Variants in IRS2 observed in about 807,000 individuals in gnomAD.
IRS2 encodes the protein insulin receptor substrate 2.
IRS2 carries 28 observed loss-of-function variants against 70.9 expected under a neutral mutation model. The ratio of observed to expected loss-of-function variants is 0.39; its 90% CI spans 0.29 to 0.54. The LOEUF (loss-of-function observed/expected upper bound fraction) is 0.54, where lower values mean the gene tolerates loss of function less well. Among genes scored for constraint, IRS2 ranks in the 20% least tolerant of loss-of-function variants. The pLI is 0.59. For missense variants in IRS2, 2,081 were observed against 2,024.1 expected, an observed-to-expected ratio of 1.03 and a Z score of -0.54; for synonymous variants, 1,217 against 981.9, an observed-to-expected ratio of 1.24 and a Z score of -4.48.
chr13:109,767,831 C>A (rs1027587478), intron 1 of IRS2, among the ~76,000 whole-genome samples: 3 of 147,948 alleles, frequency 2.0e-5, no homozygotes, highest in African/African-American at 7.5e-5. Context: ...TTCACGGGTT[C>A]CAGCGATTCT....
At chr13:109,760,843 A>C (rs1470227608) in intron 1 of IRS2, among the ~76,000 whole-genome samples, 1 of 152,250 alleles carries the variant, frequency 6.6e-6, no homozygotes, top group Admixed American at 6.5e-5. Context: ...CTTCCTTGTA[A>C]TATATGGAAC....
rs779168615 is a variant in IRS2 at position 109,784,053 on chromosome 13, G to A, written c.2001C>T (p.Ser667=). ...TPGAALAGSG[S]GSCRSDDYMP... is the part of the protein sequence containing the mutation. ...TGTAGTCGTCGCTCCTGCAGCTGCC[G>A]CTCCCACTGCCCGCGAGGGCCGCGC... The change falls in exon 1 of 2, where the codon AGC becomes AGT. Residue 667 remains serine (S), a synonymous_variant. Transcript: ENST00000375856. The surrounding 1 kb of genome is among the most constrained non-coding windows in gnomAD (Gnocchi z 5.2). 1 of 1,551,566 alleles carries A rather than the reference G, an allele frequency of 6.4e-7. No individual in the cohort carries two copies.
At chr13:109,769,672 T>C (rs894781171) in intron 1 of IRS2, among the ~76,000 whole-genome samples, 2 of 152,214 alleles carry the variant, frequency 1.3e-5, no homozygotes, top group African/African-American at 2.4e-5. Flanking sequence ...AAATTAAGTT[T>C]ACTTCCTAGG....
At chr13:109,760,747 C>T (rs1877208195) in intron 1 of IRS2, among the ~76,000 whole-genome samples, 1 of 152,186 alleles carries the variant, frequency 6.6e-6, no homozygotes, top group Non-Finnish European at 1.5e-5. Flanking sequence ...CACCTTCAAA[C>T]TGCTCAACTT....
chr13:109,771,090 T>C (rs1428437591), intron 1 of IRS2, among the ~76,000 whole-genome samples: 1 of 152,218 alleles, frequency 6.6e-6, no homozygotes, highest in Non-Finnish European at 1.5e-5. Context: ...GTGTCCTTTC[T>C]ACTGGACCAC....
chr13:109,769,319 G>GA (rs1233090156), intron 1 of IRS2, among the ~76,000 whole-genome samples: 2 of 152,184 alleles, frequency 1.3e-5, no homozygotes, highest in Admixed American at 1.3e-4. Flanking sequence ...CACACACTGT[G>GA]ACATGTGGGC....
chr13:109,779,326 C>G (rs1309592305), intron 1 of IRS2, among the ~76,000 whole-genome samples: 1 of 152,236 alleles, frequency 6.6e-6, no homozygotes, highest in African/African-American at 2.4e-5. Context: ...CTTCTAAGAG[C>G]CAGGCAGGGC....
rs2138939958 is a variant in IRS2, at chr13:109,786,023, C to G, written c.31G>C (p.Gly11Arg). The G allele has an allele frequency of 1.5e-6, 2 of 1,368,064 alleles. No individual in the cohort carries two copies. The highest frequency in any genetic ancestry group is 1.9e-6 in the Non-Finnish European group (2 of 1,060,662). The allele number at this position is 1,368,064 out of a possible 1,614,324, so 84.7% of individuals were successfully genotyped here. MASPPRHGPPGPASGDGPNLN... is the reference protein window; with the variant it reads MASPPRHGPPRPASGDGPNLN... ...TTGGGGCCGTCTCCGCTCGCCGGCC[C>G]GGGCGGCCCGTGCCGCGGCGGGCTC... Residue 11 changes from glycine to arginine, a missense_variant, in exon 1 of 2, where the codon GGG (glycine) becomes CGG (arginine). Gly to Arg is a moderately radical substitution (Grantham distance 125). Around this residue, in one of 4 missense-constraint regions of IRS2, gnomAD observed 320 missense variants for 352.9 expected, o/e 0.91. Transcript: ENST00000375856. This position sits in a 1 kb window ranked among gnomAD's most constrained non-coding sequence, Gnocchi z 4.4.
At chr13:109,772,863 T>G (rs1287538254) in intron 1 of IRS2, among the ~76,000 whole-genome samples, 1 of 151,262 alleles carries the variant, frequency 6.6e-6, no homozygotes, top group Non-Finnish European at 1.5e-5. Context: ...ACCCGGCTAA[T>G]TTTTTGTATT....
In IRS2 at chr13:109,785,537, C is replaced by A. The variant is rs771982742; in HGVS notation, c.517G>T (p.Gly173Cys). ...TCGGCCCCGGCGGCGCCGGCAGAGC[C>A]GCCCAGGGCGCCGGGCAGGGAGGCG... ...CSASLPGALGGSAGAAGAEDS... is the reference protein window; with the variant it reads ...CSASLPGALGCSAGAAGAEDS... The change falls in exon 1 of 2, where the codon GGC becomes TGC. Residue 173 changes from glycine (G) to cysteine (C), a missense_variant. Coordinates refer to ENST00000375856, the MANE Select transcript of IRS2 (RefSeq NM_003749.3). This position sits in a 1 kb window ranked among gnomAD's most constrained non-coding sequence, Gnocchi z 9.3. The A allele has an allele frequency of 3.8e-6, 6 of 1,565,094 alleles. No homozygotes were observed. The highest frequency in any genetic ancestry group is 1.8e-5 in the Admixed American group (1 of 54,426).
At chr13:109,768,571 T>C (rs557863740) in intron 1 of IRS2, among the ~76,000 whole-genome samples, 1 of 152,378 alleles carries the variant, frequency 6.6e-6, no homozygotes, top group Non-Finnish European at 1.5e-5. Flanking sequence ...ATTTCCAAAT[T>C]AGCTGAAGAG....
chr13:109,783,489 C>T lies in IRS2; in HGVS notation c.2565G>A (p.Gly855=). 1.9e-6 allele frequency: 3 copies of T among 1,544,730 alleles called. No individual in the cohort carries two copies. Among genetic ancestry groups the T allele is most frequent in the Non-Finnish European group, 2.6e-6 (3 of 1,145,838 alleles). ...GGTGAGGGGGCTGCGTGGGGCCGGC[C>T]CCGAAGGCGCTGGCCGCCTGGCTGG... The part of the protein sequence containing the change: ...PGPSQAASAF[G]AGPTQPPHPV... Residue 855 remains glycine (G), a synonymous_variant, in exon 1 of 2, where the codon GGG becomes GGA. Coordinates refer to ENST00000375856, the MANE Select transcript of IRS2 (RefSeq NM_003749.3).
At chr13:109,761,564 C>A (rs1208689601) in intron 1 of IRS2, among the ~76,000 whole-genome samples, 1 of 144,778 alleles carries the variant, frequency 6.9e-6, no homozygotes, top group Non-Finnish European at 1.5e-5. Flanking sequence ...CCAGACTTTA[C>A]TAAAGCAAGA....
At chr13:109,758,573 T>A (rs889052818) in intron 1 of IRS2, among the ~76,000 whole-genome samples, 4 of 152,128 alleles carry the variant, frequency 2.6e-5, no homozygotes, top group African/African-American at 9.7e-5. Context: ...GCTGTATCGC[T>A]GTAATATTCA....
At chr13:109,775,049 A>G (rs1042073525) in intron 1 of IRS2, among the ~76,000 whole-genome samples, 5 of 152,084 alleles carry the variant, frequency 3.3e-5, no homozygotes, top group Admixed American at 3.3e-4. Flanking sequence ...TAGAATGCAT[A>G]CAGAAAGCAC....
Position 109,782,742 on chromosome 13 carries a change from G to A in IRS2, c.3312C>T (p.Gly1104=), listed in dbSNP as rs768915589. The change falls in exon 1 of 2, where the codon GGC becomes GGT. Residue 1104 remains glycine, a synonymous_variant. Coordinates refer to ENST00000375856, the MANE Select transcript of IRS2 (RefSeq NM_003749.3). The part of the protein sequence containing the change: ...EAARVASPTS[G]VKRLSLMEQV... ...GCTCCATGAGGCTCAGCCTCTTCAC[G>A]CCCGACGTCGGGCTGGCCACGCGGG... 6.4e-5 allele frequency: 102 copies of A among 1,598,448 alleles called. No homozygotes were observed. The highest frequency in any genetic ancestry group is 7.8e-5 in the Non-Finnish European group (92 of 1,173,156).
At chr13:109,772,088 C>A (rs956527054) in intron 1 of IRS2, among the ~76,000 whole-genome samples, 3 of 152,220 alleles carry the variant, frequency 2.0e-5, no homozygotes, top group African/African-American at 7.2e-5. Flanking sequence ...AGAGGCTCAC[C>A]CGGCATGCGC....
intron 1 of IRS2, among the ~76,000 whole-genome samples, chr13:109,777,355 G>A (rs1877601593): frequency 6.6e-6 from 1 of 152,022 alleles, no homozygotes; most frequent in African/African-American, 2.4e-5. Flanking sequence ...ATGCATTAGT[G>A]GGAATTTTAA....
intron 1 of IRS2, among the ~76,000 whole-genome samples, chr13:109,762,507 C>G (rs1190514122): frequency 6.6e-6 from 1 of 152,200 alleles, no homozygotes; most frequent in Non-Finnish European, 1.5e-5. Flanking sequence ...AGGGCAGGAG[C>G]AGAGACACCT....
Sources: gnomAD v4.1 joint callset for allele counts (sites outside exome capture counted in the v4.1 genomes callset) on GRCh38, gnomAD v4.1.1 for gene constraint, gnomAD v4.1.1 regional missense constraint, Gnocchi (gnomAD v3.1) non-coding constraint, MANE v1.5 for transcripts, NCBI Gene and HGNC (gene_info 2026-07-23, HGNC 2026-07-21) for gene names.